DRC9: variants seen among roughly 807,000 people sequenced by gnomAD.
DRC9 encodes dynein regulatory complex subunit 9, also known as dynein regulatory complex protein 9.
chr3:197,895,302 A>C, the DRC9 span, among the ~76,000 whole-genome samples: 5 of 152,092 alleles, frequency 3.3e-5, no homozygotes, highest in African/African-American at 1.2e-4. Context: ...TAAGGTCTGG[A>C]TCTGTCACCC....
chr3:197,913,076 TG>T, the DRC9 span: 1 of 261,746 alleles, frequency 3.8e-6, no homozygotes. Context: ...AGTGTTGACG[TG>T]GCCTTGAGCC....
chr3:197,920,145 G>A, the DRC9 span, among the ~76,000 whole-genome samples: 1 of 152,044 alleles, frequency 6.6e-6, no homozygotes, highest in African/African-American at 2.4e-5. Context: ...GGAGGCAGAG[G>A]TTGTAGTGAG....
chr3:197,955,952 G>A, the DRC9 span: 1 of 619,562 alleles, frequency 1.6e-6, no homozygotes. Flanking sequence ...CGAGTACAGA[G>A]ATTTAGAAGG....
the DRC9 span, chr3:197,912,862 A>G: frequency 1.3e-5 from 11 of 838,724 alleles, no homozygotes; most frequent in Non-Finnish European, 1.6e-5. Context: ...ACCAGCTGGG[A>G]TCCCGGGCTT....
At chr3:197,915,163 C>CAAAAAAAAAAAAAAAAAAA in the DRC9 span, among the ~76,000 whole-genome samples, 11 of 71,302 alleles carry the variant, frequency 1.5e-4, no homozygotes, top group African/African-American at 2.2e-4. Context: ...GATTCTGTCT[C>CAAAAAAAAAAAAAAAAAAA]AAAAAAAAAA....
the DRC9 span, among the ~76,000 whole-genome samples, chr3:197,904,433 T>C: frequency 6.6e-6 from 1 of 152,118 alleles, no homozygotes; most frequent in Non-Finnish European, 1.5e-5. Context: ...ATCCAGCAAT[T>C]CCACTGCTAG....
At chr3:197,943,846 T>C in the DRC9 span, 9 of 1,613,992 alleles carry the variant, frequency 5.6e-6, no homozygotes, top group African/African-American at 1.2e-4. Context: ...AGCTGGTCTG[T>C]GGTGTCCTCC....
At chr3:197,902,997 C>G in the DRC9 span, among the ~76,000 whole-genome samples, 1 of 152,072 alleles carries the variant, frequency 6.6e-6, no homozygotes, top group South Asian at 2.1e-4. Context: ...ACCAATGGAA[C>G]AGAATAGAGA....
chr3:197,950,235 C>T, the DRC9 span: 1 of 1,230,962 alleles, frequency 8.1e-7, no homozygotes, highest in Middle Eastern at 3.1e-4. Flanking sequence ...AGTGAAGGGT[C>T]TGCTGCTGAA....
the DRC9 span, chr3:197,938,478 C>A: frequency 9.0e-7 from 1 of 1,106,746 alleles, no homozygotes. Context: ...AGCAGTCAGC[C>A]ACCTGGGCGC....
chr3:197,891,329 C>A, the DRC9 span: 3 of 601,410 alleles, frequency 5.0e-6, no homozygotes, highest in African/African-American at 3.8e-5. Flanking sequence ...GTCCATGCTT[C>A]TTCTCAGATC....
the DRC9 span, chr3:197,943,811 G>T: frequency 6.2e-7 from 1 of 1,614,068 alleles, no homozygotes; most frequent in Non-Finnish European, 8.5e-7. Context: ...CGTACTGAAC[G>T]GGCATGATGT....
At chr3:197,911,697 T>C in the DRC9 span, among the ~76,000 whole-genome samples, 1 of 151,828 alleles carries the variant, frequency 6.6e-6, no homozygotes, top group Non-Finnish European at 1.5e-5. Context: ...CTGGAGTGAG[T>C]GGCATGATCT....
the DRC9 span, among the ~76,000 whole-genome samples, chr3:197,952,869 G>C: frequency 1.3e-5 from 2 of 149,486 alleles, no homozygotes; most frequent in African/African-American, 2.5e-5. Flanking sequence ...GTGTTGCTCT[G>C]TTGCCCAGGC....
the DRC9 span, chr3:197,938,651 G>C: frequency 6.2e-7 from 1 of 1,614,048 alleles, no homozygotes; most frequent in Non-Finnish European, 8.5e-7. Context: ...ACAGCGAACC[G>C]GCCTCTGTGT....
the DRC9 span, among the ~76,000 whole-genome samples, chr3:197,915,546 C>CG: frequency 1.3e-5 from 2 of 152,182 alleles, no homozygotes; most frequent in Non-Finnish European, 2.9e-5. Context: ...GGGGACCTGA[C>CG]GGCACAGCAA....
At chr3:197,958,622 A>G in the DRC9 span, 41,238 of 152,142 alleles carry the variant, frequency 0.27, 8,329 homozygotes, top group African/African-American at 0.57. Flanking sequence ...TGGAACAGAC[A>G]CACGGTAAGT....
At chr3:197,892,885 GTTAC>G in the DRC9 span, 3 of 1,205,242 alleles carry the variant, frequency 2.5e-6, no homozygotes, top group Admixed American at 2.0e-5. Flanking sequence ...CAGAACAGTA[GTTAC>G]TTACCTGGGT....
chr3:197,922,523 T>C, the DRC9 span, among the ~76,000 whole-genome samples: 60,404 of 151,836 alleles, frequency 0.4, 16,681 homozygotes, highest in African/African-American at 0.8. Flanking sequence ...CTGGCCAATA[T>C]GGTGAAACCC....
Sources: allele counts gnomAD v4.1 joint callset (sites outside exome capture counted in the v4.1 genomes callset), GRCh38; gene constraint gnomAD v4.1.1; transcripts MANE v1.5; gene names NCBI Gene and HGNC (gene_info 2026-07-23, HGNC 2026-07-21).